ARHGAP10: variants seen among roughly 807,000 people sequenced by gnomAD.
ARHGAP10 encodes the protein rho GTPase-activating protein 10.
In ARHGAP10, 87 loss-of-function variants were observed where a neutral mutation model predicts 108.6. The ratio of observed to expected loss-of-function variants is 0.80; its 90% CI spans 0.67 to 0.96. ARHGAP10 has a LOEUF of 0.96. Ranked by LOEUF, ARHGAP10 falls within the 40% of genes least tolerant of loss-of-function variation. The probability of loss-of-function intolerance (pLI) is 0.00; values close to 1 mark genes in which losing one functional copy is unlikely to be tolerated. For synonymous variants in ARHGAP10, 347 were observed against 341.1 expected, an observed-to-expected ratio of 1.02 and a Z score of -0.19; for missense variants, 939 against 954.5, an observed-to-expected ratio of 0.98 and a Z score of 0.21.
At chr4:147,955,089 G>C (rs1251789211) in intron 15 of ARHGAP10, among the ~76,000 whole-genome samples, 1 of 152,072 alleles carries the variant, frequency 6.6e-6, no homozygotes, top group Non-Finnish European at 1.5e-5. Flanking sequence ...GTATGCTTAG[G>C]TCTAGTAGGG....
chr4:147,912,566 T>G (rs11730620), intron 12 of ARHGAP10, among the ~76,000 whole-genome samples: 84,621 of 110,412 alleles, frequency 0.77, 31,833 homozygotes, highest in South Asian at 0.84. Context: ...TATATATATA[T>G]ATATATATAT....
chr4:147,892,116 C>A (rs1370637474), intron 10 of ARHGAP10, among the ~76,000 whole-genome samples: 1 of 152,188 alleles, frequency 6.6e-6, no homozygotes, highest in East Asian at 1.9e-4. Context: ...GTTCCCATAT[C>A]ACTCTTGAAA....
chr4:147,888,004 C>T (rs900136915), intron 10 of ARHGAP10, among the ~76,000 whole-genome samples: 1 of 151,958 alleles, frequency 6.6e-6, no homozygotes, highest in African/African-American at 2.4e-5. Flanking sequence ...TGGTCGATTC[C>T]CAGTGCTCAT....
At chr4:147,867,725 G>T (rs1302730156) in intron 7 of ARHGAP10, among the ~76,000 whole-genome samples, 1 of 152,068 alleles carries the variant, frequency 6.6e-6, no homozygotes, top group Non-Finnish European at 1.5e-5. Flanking sequence ...TTAGCTGGGT[G>T]TGGTGGAGTG....
chr4:147,816,212 T>C (rs895810214), intron 1 of ARHGAP10, among the ~76,000 whole-genome samples: 1 of 152,126 alleles, frequency 6.6e-6, no homozygotes, highest in Admixed American at 6.5e-5. Flanking sequence ...GTGGAATGTT[T>C]AGGGAAGGCT....
intron 12 of ARHGAP10, among the ~76,000 whole-genome samples, chr4:147,912,853 C>T (rs1003019694): frequency 2.0e-5 from 3 of 151,534 alleles, no homozygotes; most frequent in Non-Finnish European, 2.9e-5. Flanking sequence ...TCACCATGTT[C>T]CCCAGGCAAG....
Position 147,973,629 on chromosome 4 carries a change from A to T in ARHGAP10, c.1716+6790A>T, listed in dbSNP as rs951747283. ...GTTGTGCTATCAAATACTGAATTTT[A>T]TTCTATCTAACTGTATTTTTGTGCC... On this transcript the variant is annotated intron_variant, in intron 18 of 22. Coordinates refer to ENST00000336498, the MANE Select transcript of ARHGAP10 (RefSeq NM_024605.4). 2.6e-5 allele frequency among the ~76,000 whole-genome samples: 4 copies of T among 152,188 alleles called. No homozygotes were observed. In the East Asian group the frequency reaches 7.7e-4, roughly 29 times the overall value.
chr4:147,988,294 C>T (rs527493123), intron 18 of ARHGAP10, among the ~76,000 whole-genome samples: 3 of 152,324 alleles, frequency 2.0e-5, no homozygotes, highest in African/African-American at 7.2e-5. Context: ...TCAGTTTTCT[C>T]AGCCCACAGT....
At chr4:147,845,083 C>G (rs1205965303) in intron 3 of ARHGAP10, among the ~76,000 whole-genome samples, 1 of 152,206 alleles carries the variant, frequency 6.6e-6, no homozygotes, top group Non-Finnish European at 1.5e-5. Context: ...CTGTAATGCT[C>G]AAACTCCTCA....
intron 3 of ARHGAP10, among the ~76,000 whole-genome samples, chr4:147,825,104 T>TG (rs1732652965): frequency 6.6e-6 from 1 of 152,072 alleles, no homozygotes; most frequent in Non-Finnish European, 1.5e-5. Flanking sequence ...TGGTGGCTGG[T>TG]GGGGGTTTAT....
At chr4:147,784,051 A>G (rs1014401875) in intron 1 of ARHGAP10, among the ~76,000 whole-genome samples, 2 of 143,256 alleles carry the variant, frequency 1.4e-5, no homozygotes, top group South Asian at 2.3e-4. Flanking sequence ...TATATTATAT[A>G]TTTTACATAA....
intron 18 of ARHGAP10, among the ~76,000 whole-genome samples, chr4:147,978,830 T>G (rs1185586937): frequency 6.6e-6 from 1 of 152,232 alleles, no homozygotes; most frequent in Non-Finnish European, 1.5e-5. Flanking sequence ...GAACAATTTT[T>G]TCATATGTTT....
At chr4:147,740,254 C>G (rs1728605875) in intron 1 of ARHGAP10, among the ~76,000 whole-genome samples, 1 of 152,060 alleles carries the variant, frequency 6.6e-6, no homozygotes, top group Non-Finnish European at 1.5e-5. Context: ...GATGGAGTTT[C>G]ACCATGTTGG....
At chr4:147,929,262 TA>T (rs1255701905) in intron 13 of ARHGAP10, among the ~76,000 whole-genome samples, 1 of 152,186 alleles carries the variant, frequency 6.6e-6, no homozygotes, top group Non-Finnish European at 1.5e-5. Context: ...GTGTTACAAA[TA>T]ATGCATTCTT....
intron 4 of ARHGAP10, among the ~76,000 whole-genome samples, chr4:147,857,037 G>A (rs1734118291): frequency 6.6e-6 from 1 of 152,076 alleles, no homozygotes; most frequent in South Asian, 2.1e-4. Context: ...ATTTTTAGTA[G>A]GGACGGGATT....
At chr4:147,747,520 C>G (rs1234416332) in intron 1 of ARHGAP10, among the ~76,000 whole-genome samples, 1 of 152,136 alleles carries the variant, frequency 6.6e-6, no homozygotes, top group Non-Finnish European at 1.5e-5. Context: ...ACACCCTGAC[C>G]GCCATGGAGG....
At chr4:147,869,104 A>T (rs950585049) in intron 7 of ARHGAP10, among the ~76,000 whole-genome samples, 2 of 152,174 alleles carry the variant, frequency 1.3e-5, no homozygotes, top group African/African-American at 4.8e-5. Flanking sequence ...AGGTAAAATG[A>T]AGAAGATAGT....
chr4:147,893,807 T>G (rs1351389544), intron 10 of ARHGAP10, among the ~76,000 whole-genome samples: 3 of 152,026 alleles, frequency 2.0e-5, no homozygotes, highest in African/African-American at 7.2e-5. Context: ...TAACAGAATT[T>G]TAGTGGAACT....
intron 3 of ARHGAP10, among the ~76,000 whole-genome samples, chr4:147,829,762 T>C (rs576299083): frequency 6.6e-6 from 1 of 152,200 alleles, no homozygotes; most frequent in African/African-American, 2.4e-5. Flanking sequence ...TGCTGTAGTG[T>C]TTATGTTGTT....
Sources: allele counts gnomAD v4.1 joint callset (sites outside exome capture counted in the v4.1 genomes callset), GRCh38; gene constraint gnomAD v4.1.1; transcripts MANE v1.5; gene names NCBI Gene and HGNC (gene_info 2026-07-23, HGNC 2026-07-21).